Variants in ZRANB3 observed in about 807,000 individuals in gnomAD.
ZRANB3 encodes zinc finger RANBP2-type containing 3.
In ZRANB3, 125 loss-of-function variants were observed where a neutral mutation model predicts 133.8. The ratio of observed to expected loss-of-function variants is 0.93; its 90% confidence interval spans 0.81 to 1.08. ZRANB3 has a LOEUF of 1.08. ZRANB3 is among the 50% of genes least tolerant of loss of function. ZRANB3 has a pLI of 0.00. For synonymous variants in ZRANB3, 387 were observed against 432.7 expected (o/e 0.89, Z 1.31); for missense variants, 1,229 against 1,275.5 (o/e 0.96, Z 0.56).
chr2:135,229,261 A>G (rs1295206038), intron 13 of ZRANB3, among the ~76,000 whole-genome samples: 1 of 152,210 alleles, frequency 6.6e-6, no homozygotes, highest in Non-Finnish European at 1.5e-5. Context: ...GCTCCTCCCT[A>G]CATTTTCCTT....
At chr2:135,251,945 G>C (rs1679420116) in intron 12 of ZRANB3, among the ~76,000 whole-genome samples, 1 of 152,218 alleles carries the variant, frequency 6.6e-6, no homozygotes, top group African/African-American at 2.4e-5. Context: ...TGAGGCAGGA[G>C]AATTGCTTGA....
At chr2:135,515,147 T>A (rs2104835423) in intron 1 of ZRANB3, among the ~76,000 whole-genome samples, 1 of 152,324 alleles carries the variant, frequency 6.6e-6, no homozygotes, top group African/African-American at 2.4e-5. Context: ...GATGCTAGCC[T>A]CATAAAATGA....
At chr2:135,490,080 C>G (rs1692305606) in intron 2 of ZRANB3, among the ~76,000 whole-genome samples, 2 of 152,066 alleles carry the variant, frequency 1.3e-5, no homozygotes, top group African/African-American at 4.8e-5. Context: ...TTGATCACTT[C>G]TAAGTAGAAA....
At chr2:135,314,743 T>C (rs1683172233) in intron 7 of ZRANB3, among the ~76,000 whole-genome samples, 1 of 150,660 alleles carries the variant, frequency 6.6e-6, no homozygotes, top group Admixed American at 6.8e-5. Context: ...ACACCTTCTA[T>C]TTAGAATTCT....
chr2:135,409,108 A>T (rs576740208), intron 2 of ZRANB3, among the ~76,000 whole-genome samples: 1 of 152,278 alleles, frequency 6.6e-6, no homozygotes, highest in Non-Finnish European at 1.5e-5. Context: ...GGAAACTTAC[A>T]ATCATAGTGG....
chr2:135,415,704 C>G (rs1299933620), intron 2 of ZRANB3, among the ~76,000 whole-genome samples: 1 of 152,124 alleles, frequency 6.6e-6, no homozygotes, highest in South Asian at 2.1e-4. Flanking sequence ...TGCAAGAATC[C>G]TCAATAAAAT....
At chr2:135,295,488 G>T (rs1446943165) in intron 8 of ZRANB3, among the ~76,000 whole-genome samples, 5 of 152,086 alleles carry the variant, frequency 3.3e-5, no homozygotes, top group African/African-American at 1.2e-4. Flanking sequence ...CATGAGATGG[G>T]TTTCCTGAAT....
intron 8 of ZRANB3, among the ~76,000 whole-genome samples, chr2:135,290,888 G>T (rs973849930): frequency 6.6e-6 from 1 of 152,154 alleles, no homozygotes; most frequent in African/African-American, 2.4e-5. Context: ...CCCGAAATAA[G>T]TTTTCCAAAC....
intron 2 of ZRANB3, among the ~76,000 whole-genome samples, chr2:135,486,561 T>A (rs1245294575): frequency 6.6e-6 from 1 of 151,958 alleles, no homozygotes; most frequent in Non-Finnish European, 1.5e-5. Flanking sequence ...GTTGCATAGG[T>A]TGAAGTGCAG....
intron 3 of ZRANB3, among the ~76,000 whole-genome samples, chr2:135,375,785 G>A (rs1198099345): frequency 6.6e-6 from 1 of 151,666 alleles, no homozygotes; most frequent in East Asian, 1.9e-4. Flanking sequence ...AACCCCGGGA[G>A]ACGGAGGTTG....
At chr2:135,489,445 A>G (rs965647656) in intron 2 of ZRANB3, among the ~76,000 whole-genome samples, 1 of 151,862 alleles carries the variant, frequency 6.6e-6, no homozygotes, top group Non-Finnish European at 1.5e-5. Context: ...GTACCCTAAA[A>G]CTTAAAGTAT....
intron 8 of ZRANB3, among the ~76,000 whole-genome samples, chr2:135,286,794 G>T (rs1681394534): frequency 1.3e-5 from 2 of 152,074 alleles, no homozygotes; most frequent in Admixed American, 6.5e-5. Context: ...TGACTTGTTT[G>T]AGTTCCTTGT....
rs370217910 is a variant in ZRANB3, at chr2:135,207,584, C to T, written c.2859G>A (p.Leu953=). 7 of 1,613,910 alleles carry T rather than the reference C, an allele frequency of 4.3e-6. No homozygotes were observed. The African/African-American group carries it at 8.0e-5, about 18-fold the overall frequency. Reference sequence around the variant, plus strand: ...GTTCAGTTTCAAATACTTTGGCTCTCAGGTAACTGTTATTAGATCGAATCC... The same window carrying T: ...GTTCAGTTTCAAATACTTTGGCTCTTAGGTAACTGTTATTAGATCGAATCC... ...EFWIRSNNSY[L]RAKVFETEHG... The change falls in exon 19 of 21, where the codon CTG becomes CTA. Residue 953 remains leucine (L), a synonymous_variant. Transcript: ENST00000264159.
rs556263960 is a variant in ZRANB3, at chr2:135,344,606, G to T, written c.677+944C>A. Among the ~76,000 whole-genome samples the T allele has an allele frequency of 1.6e-4, 25 of 152,154 alleles. 1 individual carries two copies. Among genetic ancestry groups the T allele is most frequent in the South Asian group, 6.2e-4 (3 of 4,810 alleles). On this transcript the variant is annotated intron_variant, in intron 6 of 20. Coordinates refer to ENST00000264159, the MANE Select transcript of ZRANB3 (RefSeq NM_032143.4). ...ACAAAAATTAGCCGGGCATGGTTGC[G>T]CATGCCTGTAATCTCAGCTACTCAG...
intron 2 of ZRANB3, among the ~76,000 whole-genome samples, chr2:135,498,433 T>A (rs1014155426): frequency 3.3e-5 from 5 of 152,356 alleles, no homozygotes; most frequent in African/African-American, 1.2e-4. Flanking sequence ...TCAATACTCT[T>A]GTGATGCCTG....
chr2:135,362,574 C>T (rs182229732), intron 3 of ZRANB3, among the ~76,000 whole-genome samples: 568 of 152,226 alleles, frequency 3.7e-3, no homozygotes, highest in Middle Eastern at 0.014. Flanking sequence ...TTAGAGATGC[C>T]CATATTGGGA....
intron 2 of ZRANB3, among the ~76,000 whole-genome samples, chr2:135,466,382 CAAAAAAAAAAAAAAAA>C (rs553890734): frequency 3.5e-5 from 1 of 28,214 alleles, no homozygotes; most frequent in Non-Finnish European, 1.3e-4. Flanking sequence ...GACTCCGTCA[CAAAAAAAAAAAAAAAA>C]AAAAAAAAAA....
chr2:135,313,379 CA>C, intron 8 of ZRANB3, 109 bp downstream of exon 8: 1 of 518,628 alleles, frequency 1.9e-6, no homozygotes. Flanking sequence ...AAGAGTTAAA[CA>C]ATAGCAAAGA....
At chr2:135,429,224 G>A (rs1689217122) in intron 2 of ZRANB3, among the ~76,000 whole-genome samples, 1 of 152,182 alleles carries the variant, frequency 6.6e-6, no homozygotes, top group African/African-American at 2.4e-5. Flanking sequence ...ATGAGATCAT[G>A]TACTCTGCAG....
Sources: gnomAD v4.1 joint callset for allele counts (sites outside exome capture counted in the v4.1 genomes callset) on GRCh38, gnomAD v4.1.1 for gene constraint, MANE v1.5 for transcripts, NCBI Gene and HGNC (gene_info 2026-07-23, HGNC 2026-07-21) for gene names.